Variants in TCF4 observed in about 807,000 individuals in gnomAD.
TCF4 encodes the protein SL3-3 enhancer factor 2.
Under a neutral mutation model 82.1 loss-of-function variants are expected in TCF4, and 3 were observed. The ratio of observed to expected loss-of-function variants is 0.04; its 90% CI spans 0.02 to 0.09. TCF4 has a LOEUF of 0.09. TCF4 is among the 10% of genes least tolerant of loss of function. The pLI is 1.00. For synonymous variants in TCF4, 276 were observed against 309.6 expected (o/e 0.89, Z 1.14); for missense variants, 518 against 852.7 (o/e 0.61, Z 4.89).
At chr18:55,573,668 A>C (rs2097499331) in intron 3 of TCF4, among the ~76,000 whole-genome samples, 1 of 152,220 alleles carries the variant, frequency 6.6e-6, no homozygotes, top group Admixed American at 6.5e-5. Context: ...GTAAGACCAC[A>C]GTTCACCTGG....
At chr18:55,457,520 T>TG (rs11385247) in intron 5 of TCF4, among the ~76,000 whole-genome samples, 16 of 152,026 alleles carry the variant, frequency 1.1e-4, no homozygotes, top group Admixed American at 3.3e-4. Flanking sequence ...GGGATCTCAC[T>TG]TATTGCCCAG....
chr18:55,468,664 T>C (rs1298936042), intron 3 of TCF4, among the ~76,000 whole-genome samples: 1 of 152,238 alleles, frequency 6.6e-6, no homozygotes, highest in Non-Finnish European at 1.5e-5. Context: ...TAACATCTTG[T>C]GTGGTACTGT....
intron 2 of TCF4, among the ~76,000 whole-genome samples, chr18:55,609,447 T>G (rs550674944): frequency 6.6e-6 from 1 of 152,202 alleles, no homozygotes; most frequent in African/African-American, 2.4e-5. Context: ...AGAAATGTAA[T>G]GAAGAGAGAT....
chr18:55,407,342 T>C lies in TCF4; in HGVS notation c.305-3824A>G, dbSNP rs117389325. On this transcript the variant is annotated intron_variant, in intron 5 of 19. Coordinates refer to ENST00000354452, the MANE Select transcript of TCF4 (RefSeq NM_001083962.2). ...ATACAAGGGAACATGTAATACTATG[T>C]CACAATTTTTTAAATTAAACAAGGA... Among the ~76,000 whole-genome samples the C allele has an allele frequency of 3.7e-3, 567 of 152,292 alleles. 6 individuals are homozygous for C. Among genetic ancestry groups the C allele is most frequent in the East Asian group, 0.022 (115 of 5,188 alleles).
At chr18:55,399,097 A>C (rs11152369) in intron 6 of TCF4, among the ~76,000 whole-genome samples, 9,247 of 152,290 alleles carry the variant, frequency 0.061, 482 homozygotes, top group African/African-American at 0.14. Context: ...TACGGTTTTC[A>C]CTTACATCCT....
intron 3 of TCF4, among the ~76,000 whole-genome samples, chr18:55,527,332 T>C (rs1315719298): frequency 1.3e-5 from 2 of 152,200 alleles, no homozygotes; most frequent in African/African-American, 2.4e-5. Context: ...GTAACAGCTA[T>C]CTGGAAGAGT....
chr18:55,557,973 G>C, intron 3 of TCF4, among the ~76,000 whole-genome samples: 1 of 152,146 alleles, frequency 6.6e-6, no homozygotes, highest in East Asian at 1.9e-4. Flanking sequence ...GGGAGACCAA[G>C]GTGGGAGGAT....
At chr18:55,505,969 G>A (rs952160576) in intron 3 of TCF4, among the ~76,000 whole-genome samples, 2 of 152,146 alleles carry the variant, frequency 1.3e-5, no homozygotes, top group Admixed American at 6.5e-5. Flanking sequence ...AAATGTATTT[G>A]CAGGAAATAA....
intron 15 of TCF4, among the ~76,000 whole-genome samples, chr18:55,240,386 T>C (rs117716457): frequency 6.6e-6 from 1 of 152,196 alleles, no homozygotes; most frequent in Non-Finnish European, 1.5e-5. Context: ...TGAACTGTAA[T>C]CTCCCCATGA....
chr18:55,365,315 A>G (rs1426044479), intron 6 of TCF4, among the ~76,000 whole-genome samples: 1 of 149,596 alleles, frequency 6.7e-6, no homozygotes, highest in Non-Finnish European at 1.5e-5. Flanking sequence ...GCAGATGTGT[A>G]GATTCTCCTA....
rs35933104 is a variant in TCF4, at chr18:55,417,472, T to TA, written c.305-13955dup. Among the ~76,000 whole-genome samples, 556 of 152,334 alleles carry TA rather than the reference T, an allele frequency of 3.6e-3. 1 individual carries two copies. The highest frequency in any genetic ancestry group is 5.6e-3 in the Non-Finnish European group (384 of 68,028). On this transcript the variant is annotated intron_variant, in intron 5 of 19. Transcript: ENST00000354452. ...TAAAACTAGTTTTCAATATTAAGTC[T>TA]AAAAAATCTTAAAACCTGTACAGTC...
intron 5 of TCF4, among the ~76,000 whole-genome samples, chr18:55,445,568 A>G (rs1044602684): frequency 6.6e-6 from 1 of 152,080 alleles, no homozygotes; most frequent in Non-Finnish European, 1.5e-5. Context: ...CCCACCCCCC[A>G]TGATTCAATT....
intron 3 of TCF4, among the ~76,000 whole-genome samples, chr18:55,541,858 CAGTT>C (rs1372270180): frequency 2.6e-5 from 4 of 151,912 alleles, no homozygotes; most frequent in South Asian, 2.1e-4. Flanking sequence ...TTATTTAACA[CAGTT>C]AGAAAAATTA....
intron 8 of TCF4, among the ~76,000 whole-genome samples, chr18:55,311,954 A>G (rs1270712786): frequency 6.6e-6 from 1 of 152,172 alleles, no homozygotes; most frequent in African/African-American, 2.4e-5. Flanking sequence ...CCAGCCATAC[A>G]TTCATCATCA....
intron 5 of TCF4, among the ~76,000 whole-genome samples, chr18:55,450,246 T>C (rs2144319987): frequency 1.3e-5 from 2 of 152,346 alleles, no homozygotes; most frequent in South Asian, 4.1e-4. Context: ...GTGAAAGCTT[T>C]AAATGTTTTA....
intron 2 of TCF4, among the ~76,000 whole-genome samples, chr18:55,612,411 A>T (rs924428759): frequency 6.6e-6 from 1 of 152,160 alleles, no homozygotes; most frequent in Non-Finnish European, 1.5e-5. Context: ...GTTTGTTGCC[A>T]AAGCTTATCT....
At chr18:55,458,303 A>G (rs2095806181) in intron 5 of TCF4, among the ~76,000 whole-genome samples, 1 of 152,218 alleles carries the variant, frequency 6.6e-6, no homozygotes. Flanking sequence ...TTTAACAAAA[A>G]CCAGTTAAAC....
In TCF4 at chr18:55,401,418, G is replaced by A. The variant is rs1041244495; in HGVS notation, c.369+2036C>T. On this transcript the variant is annotated intron_variant, in intron 6 of 19. Transcript: ENST00000354452. ...TCTCCACACTCCACGGCTACATTAC[G>A]AAGGCTTTTTAAGAAAAGCATATGC... 1.7e-5 allele frequency: 18 copies of A among 1,064,706 alleles called. No individual in the cohort carries two copies. The Admixed American group carries it at 2.4e-4, about 14-fold the overall frequency. 66.0% of individuals were successfully genotyped at this position (1,064,706 alleles called of 1,614,324 possible). A position where few individuals can be genotyped will look rare whatever the true frequency, so the allele number is the denominator to read the frequency against.
chr18:55,509,806 A>C (rs973724095), intron 3 of TCF4, among the ~76,000 whole-genome samples: 2 of 152,156 alleles, frequency 1.3e-5, no homozygotes, highest in Non-Finnish European at 2.9e-5. Context: ...AAATAAAGGG[A>C]AAGGGGCGGG....
Sources: gnomAD v4.1 joint callset for allele counts (sites outside exome capture counted in the v4.1 genomes callset) on GRCh38, gnomAD v4.1.1 for gene constraint, MANE v1.5 for transcripts, NCBI Gene and HGNC (gene_info 2026-07-23, HGNC 2026-07-21) for gene names.